LRMDA: variants seen among roughly 807,000 people sequenced by gnomAD.
LRMDA encodes the protein leucine rich melanocyte differentiation associated.
In LRMDA, 18 loss-of-function variants were observed where a neutral mutation model predicts 29.8. The ratio of observed to expected loss-of-function variants is 0.60; its 90% CI spans 0.42 to 0.90. The LOEUF is 0.90. Ranked by LOEUF, LRMDA falls within the 40% of genes least tolerant of loss-of-function variation. The probability of loss-of-function intolerance (pLI) is 0.00; values close to 1 mark genes in which losing one functional copy is unlikely to be tolerated. For missense variants in LRMDA, 273 were observed against 273.9 expected, an observed-to-expected ratio of 1.00 and a Z score of 0.02; for synonymous variants, 125 against 109.4, an observed-to-expected ratio of 1.14 and a Z score of -0.89.
At chr10:75,906,461 G>T (rs956937573) in intron 2 of LRMDA, among the ~76,000 whole-genome samples, 1 of 152,192 alleles carries the variant, frequency 6.6e-6, no homozygotes, top group African/African-American at 2.4e-5. Context: ...ACCAGGTATA[G>T]AGCTAACTGT....
chr10:76,493,341 G>C (rs1842852044), intron 6 of LRMDA, among the ~76,000 whole-genome samples: 1 of 151,896 alleles, frequency 6.6e-6, no homozygotes, highest in African/African-American at 2.4e-5. Flanking sequence ...AAGACTCAAG[G>C]GCTCTTGGGT....
chr10:76,388,576 C>T (rs1841687538), intron 6 of LRMDA, among the ~76,000 whole-genome samples: 1 of 152,190 alleles, frequency 6.6e-6, no homozygotes, highest in African/African-American at 2.4e-5. Context: ...TGCAAGGTTT[C>T]ATGCCCATGC....
intron 2 of LRMDA, among the ~76,000 whole-genome samples, chr10:75,898,238 T>TA (rs1845616246): frequency 6.6e-6 from 1 of 152,084 alleles, no homozygotes; most frequent in South Asian, 2.1e-4. Flanking sequence ...TCCAAGAATT[T>TA]AAAAAATAAT....
At chr10:76,132,883 A>G (rs1228954020) in intron 5 of LRMDA, among the ~76,000 whole-genome samples, 1 of 151,008 alleles carries the variant, frequency 6.6e-6, no homozygotes, top group East Asian at 1.9e-4. Flanking sequence ...GCTCACTGCA[A>G]GCTCCGCCTC....
chr10:75,645,180 G>C (rs1234371580), intron 2 of LRMDA, among the ~76,000 whole-genome samples: 2 of 152,050 alleles, frequency 1.3e-5, no homozygotes, highest in Non-Finnish European at 2.9e-5. Flanking sequence ...AAGGAGTTTT[G>C]CCATGTTGGC....
intron 5 of LRMDA, among the ~76,000 whole-genome samples, chr10:76,192,007 G>A (rs550105866): frequency 2.4e-4 from 37 of 152,126 alleles, no homozygotes; most frequent in Non-Finnish European, 4.4e-4. Context: ...CAGGTCTCGC[G>A]TGCGGTATGC....
chr10:75,794,240 A>T (rs879878343), intron 2 of LRMDA, among the ~76,000 whole-genome samples: 2 of 152,238 alleles, frequency 1.3e-5, no homozygotes, highest in African/African-American at 4.8e-5. Context: ...TTTATAAATG[A>T]TGCTATGTGA....
rs145362421 is a variant in LRMDA at position 75,478,978 on chromosome 10, C to T, written c.131+40484C>T. Among the ~76,000 whole-genome samples, 173 of 152,302 alleles carry T rather than the reference C, an allele frequency of 1.1e-3. 2 individuals carry two copies. In the East Asian group the frequency reaches 0.018, roughly 16 times the overall value. On this transcript the variant is annotated intron_variant, in intron 2 of 6. Coordinates refer to ENST00000611255, the MANE Select transcript of LRMDA (RefSeq NM_001305581.2). ...GTTAATTGTATCTGGACCTGCACCC[C>T]CAGCTTCTTTCTTGGCTTCATTTAA...
intron 5 of LRMDA, among the ~76,000 whole-genome samples, chr10:76,134,419 T>G (rs181193970): frequency 6.6e-6 from 1 of 152,222 alleles, no homozygotes; most frequent in Non-Finnish European, 1.5e-5. Flanking sequence ...AGCTGTGGCC[T>G]TAGGACTAAG....
intron 6 of LRMDA, among the ~76,000 whole-genome samples, chr10:76,340,106 G>A (rs1233369384): frequency 4.6e-5 from 7 of 151,888 alleles, no homozygotes; most frequent in Non-Finnish European, 1.0e-4. Context: ...GACCAAGTAG[G>A]GTTTATCTCA....
At chr10:75,806,026 G>A (rs551715254) in intron 2 of LRMDA, among the ~76,000 whole-genome samples, 1 of 152,240 alleles carries the variant, frequency 6.6e-6, no homozygotes, top group East Asian at 1.9e-4. Context: ...GAGGCCTCAG[G>A]GAGCTTTTAC....
chr10:75,454,058 C>T (rs186985372), intron 2 of LRMDA, among the ~76,000 whole-genome samples: 355 of 152,150 alleles, frequency 2.3e-3, no homozygotes, highest in African/African-American at 8.0e-3. Flanking sequence ...TGGTAACAGA[C>T]GGAGGGGGCA....
At position 76,363,116 on chromosome 10, in the gene LRMDA, G is replaced by GGAAAGAAAAAGAAA. The variant is rs1441906742; in HGVS notation, c.601+38639_601+38640insAAGAAAGAAAGAAA. 3.3e-4 allele frequency among the ~76,000 whole-genome samples: 17 copies of GGAAAGAAAAAGAAA among 51,522 alleles called. No individual in the cohort carries two copies. The South Asian group carries it at 4.2e-3, about 13-fold the overall frequency. The allele number at this position is 51,522 out of a possible 152,430, so 33.8% of individuals were successfully genotyped here. On this transcript the variant is annotated intron_variant, in intron 6 of 6. Transcript: ENST00000611255. ...CTAGAGGTTTCAGCCTGTGGAGTAA[G>GGAAAGAAAAAGAAA]GAAAGAAAGAAAGAAAGAAAGAAAG...
rs375357856 is a variant in LRMDA, at chr10:75,941,519, C to T, written c.132-94489C>T. 7.9e-4 allele frequency among the ~76,000 whole-genome samples: 120 copies of T among 152,266 alleles called. 1 individual carries two copies. The highest frequency in any genetic ancestry group is 1.9e-3 in the East Asian group (10 of 5,184). On this transcript the variant is annotated intron_variant, in intron 2 of 6. Coordinates refer to ENST00000611255, the MANE Select transcript of LRMDA (RefSeq NM_001305581.2). ...TTTGCTTGCCCAGGGGTTCTGTCAC[C>T]GTTCATGGGGTTTAGGAAAGATGCC...
chr10:76,054,006 T>G (rs1361218722), intron 4 of LRMDA, among the ~76,000 whole-genome samples: 8 of 152,326 alleles, frequency 5.3e-5, no homozygotes, highest in Admixed American at 1.3e-4. Context: ...CCACTGAAGT[T>G]TGAGAACCAC....
chr10:75,664,719 C>A (rs1841799015), intron 2 of LRMDA, among the ~76,000 whole-genome samples: 1 of 152,092 alleles, frequency 6.6e-6, no homozygotes. Flanking sequence ...GGCAAAAATG[C>A]CTGAAACACT....
chr10:75,605,951 G>C (rs1840950861), intron 2 of LRMDA, among the ~76,000 whole-genome samples: 1 of 152,138 alleles, frequency 6.6e-6, no homozygotes, highest in Non-Finnish European at 1.5e-5. Context: ...TCTGCCTCCT[G>C]GACTCAGATG....
At chr10:75,925,904 G>A (rs1318227120) in intron 2 of LRMDA, among the ~76,000 whole-genome samples, 1 of 152,004 alleles carries the variant, frequency 6.6e-6, no homozygotes, top group East Asian at 1.9e-4. Context: ...GTATAATCTG[G>A]CTGCCTCATT....
intron 2 of LRMDA, among the ~76,000 whole-genome samples, chr10:75,610,482 CCA>C (rs1290928027): frequency 6.6e-6 from 1 of 151,916 alleles, no homozygotes; most frequent in African/African-American, 2.4e-5. Flanking sequence ...TACCACACCC[CCA>C]CATACACACA....
Sources: allele counts gnomAD v4.1 joint callset (sites outside exome capture counted in the v4.1 genomes callset), GRCh38; gene constraint gnomAD v4.1.1; transcripts MANE v1.5; gene names NCBI Gene and HGNC (gene_info 2026-07-23, HGNC 2026-07-21).